The following EXOC6B variants were observed in gnomAD, a reference collection of about 807,000 sequenced individuals.
The protein encoded by EXOC6B is exocyst complex component 6B, also known as SEC15 homolog B.
In EXOC6B, 54 loss-of-function variants were observed where a neutral mutation model predicts 113.5. The ratio of observed to expected loss-of-function variants is 0.48; its 90% CI spans 0.38 to 0.60. The LOEUF (loss-of-function observed/expected upper bound fraction) is 0.60, where lower values mean the gene tolerates loss of function less well. Among genes scored for constraint, EXOC6B ranks in the 20% least tolerant of loss-of-function variants. The probability of loss-of-function intolerance (pLI) is 0.00; values close to 1 mark genes in which losing one functional copy is unlikely to be tolerated. For missense variants in EXOC6B, 797 were observed against 977.5 expected, an observed-to-expected ratio of 0.82 and a Z score of 2.46; for synonymous variants, 357 against 339.0, an observed-to-expected ratio of 1.05 and a Z score of -0.58.
intron 6 of EXOC6B, among the ~76,000 whole-genome samples, chr2:72,619,479 AG>A (rs1433226518): frequency 6.6e-6 from 1 of 152,190 alleles, no homozygotes; most frequent in African/African-American, 2.4e-5. Context: ...ATAATACAGT[AG>A]AAAATTAAGT....
intron 20 of EXOC6B, among the ~76,000 whole-genome samples, chr2:72,292,225 C>T (rs1685842824): frequency 2.4e-5 from 3 of 127,192 alleles, no homozygotes; most frequent in Admixed American, 8.2e-5. Context: ...CTTATAAATC[C>T]CATTAAGTGA....
chr2:72,704,760 C>A (rs1243623528), intron 6 of EXOC6B, among the ~76,000 whole-genome samples: 1 of 149,898 alleles, frequency 6.7e-6, no homozygotes, highest in African/African-American at 2.4e-5. Flanking sequence ...CACATACACT[C>A]TCCCAAGACT....
intron 1 of EXOC6B, among the ~76,000 whole-genome samples, chr2:72,756,635 G>A (rs758585211): frequency 1.3e-5 from 2 of 152,044 alleles, no homozygotes; most frequent in Non-Finnish European, 2.9e-5. Flanking sequence ...TTTAAAATAC[G>A]TGCCAAATCC....
chr2:72,640,139 C>G lies in EXOC6B; in HGVS notation c.670-64471G>C, dbSNP rs1251776784. Reference sequence around the variant, plus strand: ...AATCATGGAAAAAAGAATGCAGGAGCCAAGAGACAAAACAGCCAGTATAGA... The same window carrying G: ...AATCATGGAAAAAAGAATGCAGGAGGCAAGAGACAAAACAGCCAGTATAGA... On this transcript the variant is annotated intron_variant, in intron 6 of 21. Transcript: ENST00000272427. 2.0e-5 allele frequency among the ~76,000 whole-genome samples: 3 copies of G among 152,012 alleles called. No homozygotes were observed. In the South Asian group the frequency reaches 6.2e-4, roughly 32 times the overall value.
At chr2:72,428,131 C>T (rs773997440) in intron 18 of EXOC6B, among the ~76,000 whole-genome samples, 1 of 152,166 alleles carries the variant, frequency 6.6e-6, no homozygotes, top group Non-Finnish European at 1.5e-5. Context: ...TCTTGGTCAC[C>T]CATCACTTGT....
chr2:72,538,147 G>A (rs1203219953), intron 8 of EXOC6B, among the ~76,000 whole-genome samples: 1 of 151,728 alleles, frequency 6.6e-6, no homozygotes, highest in Non-Finnish European at 1.5e-5. Flanking sequence ...ATTTTTAGTA[G>A]AAATGAGGTG....
chr2:72,624,714 C>G (rs540216667), intron 6 of EXOC6B, among the ~76,000 whole-genome samples: 48 of 152,234 alleles, frequency 3.2e-4, no homozygotes, highest in Admixed American at 6.5e-4. Flanking sequence ...CCACTGCACT[C>G]CAGCGTAGAT....
Position 72,716,669 on chromosome 2 carries a change from G to C in EXOC6B, c.669+1434C>G, listed in dbSNP as rs927878716. Among the ~76,000 whole-genome samples the C allele has an allele frequency of 2.0e-5, 3 of 152,146 alleles. No individual in the cohort carries two copies. In the East Asian group the frequency reaches 5.8e-4, roughly 29 times the overall value. On this transcript the variant is annotated intron_variant, in intron 6 of 21. Coordinates refer to ENST00000272427, the MANE Select transcript of EXOC6B (RefSeq NM_015189.3). ...TCAACCCAACCTGAATTCTAATGCA[G>C]GATCTGACCTTTACAAGGTATTTGA...
intron 6 of EXOC6B, among the ~76,000 whole-genome samples, chr2:72,716,018 C>T (rs1240829581): frequency 2.6e-5 from 4 of 152,140 alleles, no homozygotes; most frequent in Non-Finnish European, 5.9e-5. Flanking sequence ...TTCATCAAAC[C>T]TATTTGCTCC....
intron 1 of EXOC6B, among the ~76,000 whole-genome samples, chr2:72,808,409 A>C (rs1685698194): frequency 6.6e-6 from 1 of 152,216 alleles, no homozygotes; most frequent in African/African-American, 2.4e-5. Flanking sequence ...ACATATAAAT[A>C]ATGTAGCATC....
At chr2:72,182,458 C>T (rs1287695431) in intron 21 of EXOC6B, among the ~76,000 whole-genome samples, 1 of 152,082 alleles carries the variant, frequency 6.6e-6, no homozygotes, top group African/African-American at 2.4e-5. Context: ...GCACCAAGAA[C>T]TGTGGGATTA....
intron 1 of EXOC6B, among the ~76,000 whole-genome samples, chr2:72,790,210 T>C (rs1029244854): frequency 2.0e-5 from 3 of 152,164 alleles, no homozygotes; most frequent in African/African-American, 7.2e-5. Flanking sequence ...GTAGAAACCT[T>C]TGGTGAGATA....
chr2:72,430,079 G>T (rs1309586676), intron 18 of EXOC6B, among the ~76,000 whole-genome samples: 2 of 152,090 alleles, frequency 1.3e-5, no homozygotes, highest in Non-Finnish European at 2.9e-5. Context: ...TTGAAAGAAC[G>T]TAATAATATA....
In EXOC6B at chr2:72,489,233, TTTG is replaced by T. The variant is rs558555883; in HGVS notation, c.1665+3082_1665+3084del. On this transcript the variant is annotated intron_variant, in intron 16 of 21. Coordinates refer to ENST00000272427, the MANE Select transcript of EXOC6B (RefSeq NM_015189.3). ...CATACTACAAAATTGACTTAATTAT[TTTG>T]TTTATTATTTATTATCTGTTTTTCT... Among the ~76,000 whole-genome samples the T allele has an allele frequency of 7.9e-5, 12 of 152,332 alleles. 1 individual carries two copies. In the South Asian group the frequency reaches 2.5e-3, roughly 32 times the overall value.
At chr2:72,582,285 G>C (rs1169011960) in intron 6 of EXOC6B, among the ~76,000 whole-genome samples, 2 of 152,078 alleles carry the variant, frequency 1.3e-5, no homozygotes, top group African/African-American at 4.8e-5. Flanking sequence ...GCCAAGATGG[G>C]CTGACTGCTT....
intron 20 of EXOC6B, among the ~76,000 whole-genome samples, chr2:72,328,652 C>T (rs1378711958): frequency 6.6e-6 from 1 of 152,086 alleles, no homozygotes; most frequent in Non-Finnish European, 1.5e-5. Context: ...ATGTCAAGAT[C>T]TGAAATATGG....
intron 5 of EXOC6B, among the ~76,000 whole-genome samples, chr2:72,728,319 A>C (rs1300779046): frequency 6.6e-6 from 1 of 152,194 alleles, no homozygotes; most frequent in Non-Finnish European, 1.5e-5. Context: ...CAGAATCTAT[A>C]TTTAACTAAT....
chr2:72,444,587 C>T (rs1204415279), intron 18 of EXOC6B, among the ~76,000 whole-genome samples: 2 of 152,226 alleles, frequency 1.3e-5, no homozygotes, highest in African/African-American at 4.8e-5. Flanking sequence ...TTCTATACAT[C>T]CTCTGATATC....
intron 18 of EXOC6B, among the ~76,000 whole-genome samples, chr2:72,435,559 T>C (rs1009018425): frequency 2.6e-5 from 4 of 152,220 alleles, no homozygotes; most frequent in Non-Finnish European, 5.9e-5. Flanking sequence ...TGTAGGTCTT[T>C]AAGAACTTGC....
Sources: gnomAD v4.1 joint callset for allele counts (sites outside exome capture counted in the v4.1 genomes callset) on GRCh38, gnomAD v4.1.1 for gene constraint, MANE v1.5 for transcripts, NCBI Gene and HGNC (gene_info 2026-07-23, HGNC 2026-07-21) for gene names.